RAI2: variants seen among roughly 807,000 people sequenced by gnomAD.
RAI2 encodes retinoic acid-induced protein 2.
Under a neutral mutation model 15.3 loss-of-function variants are expected in RAI2, and 5 were observed. The ratio of observed to expected loss-of-function variants is 0.33; its 90% CI spans 0.17 to 0.69. The LOEUF is 0.69. Ranked by LOEUF, RAI2 falls within the 30% of genes least tolerant of loss-of-function variation. RAI2 has a pLI of 0.69. For synonymous variants in RAI2, 191 were observed against 184.0 expected (o/e 1.04, Z -0.31); for missense variants, 424 against 424.7 (o/e 1.00, Z 0.01).
intron 1 of RAI2, among the ~76,000 whole-genome samples, chrX:17,846,069 G>T (rs746365117): frequency 9.0e-6 from 1 of 111,543 alleles, no homozygotes; most frequent in East Asian, 2.8e-4. Flanking sequence ...TGCTTCAGTT[G>T]GAACCAGAGA....
chrX:17,851,020 C>A (rs73447868), intron 1 of RAI2, among the ~76,000 whole-genome samples: 2,010 of 112,693 alleles, frequency 0.018, 39 homozygotes, highest in African/African-American at 0.06. Context: ...TCTGTGGGGA[C>A]CACTGGCTTA....
At chrX:17,803,918 G>GCCATGCCT (rs1199872621) in intron 1 of RAI2, among the ~76,000 whole-genome samples, 1 of 110,457 alleles carries the variant, frequency 9.1e-6, no homozygotes, top group Non-Finnish European at 1.9e-5. Flanking sequence ...CCCAGAAGAT[G>GCCATGCCT]CCATGCCTCC....
At chrX:17,815,182 C>T (rs1263183325) in intron 1 of RAI2, among the ~76,000 whole-genome samples, 1 of 111,425 alleles carries the variant, frequency 9.0e-6, no homozygotes, top group African/African-American at 3.3e-5. Flanking sequence ...ATAAACAATA[C>T]GAAGTTGGGG....
intron 1 of RAI2, among the ~76,000 whole-genome samples, chrX:17,853,402 A>T (rs1478184775): frequency 1.8e-5 from 2 of 112,096 alleles, no homozygotes; most frequent in Admixed American, 9.4e-5. Context: ...AAAAAAACAC[A>T]AAGTACTTAT....
At chrX:17,814,948 A>T (rs2067089223) in intron 1 of RAI2, among the ~76,000 whole-genome samples, 1 of 109,672 alleles carries the variant, frequency 9.1e-6, no homozygotes. Context: ...TAATAATAAT[A>T]ATAATAATAA....
chrX:17,806,124 T>C (rs1174576379), intron 1 of RAI2, among the ~76,000 whole-genome samples: 1 of 110,898 alleles, frequency 9.0e-6, no homozygotes, highest in Non-Finnish European at 1.9e-5. Context: ...ATCTCATGAA[T>C]TGTGGGTTCA....
At chrX:17,823,747 C>T (rs2067196081) in intron 1 of RAI2, among the ~76,000 whole-genome samples, 2 of 112,033 alleles carry the variant, frequency 1.8e-5, no homozygotes, top group Admixed American at 1.9e-4. Flanking sequence ...ATTCCCAGGC[C>T]ACACCCAAGG....
intron 1 of RAI2, among the ~76,000 whole-genome samples, chrX:17,843,385 C>A (rs931973253): frequency 3.6e-5 from 4 of 112,123 alleles, no homozygotes; most frequent in African/African-American, 1.3e-4. Flanking sequence ...CTCATGGCAG[C>A]TTTGACAGTG....
chrX:17,842,197 G>C (rs2067405810), intron 1 of RAI2, among the ~76,000 whole-genome samples: 1 of 111,230 alleles, frequency 9.0e-6, no homozygotes. Context: ...TGACTCTAAA[G>C]GGCGATCCCT....
Position 17,801,305 on chromosome X carries a change from C to T in RAI2, c.706G>A (p.Val236Ile), listed in dbSNP as rs1466581696. 1.2e-5 allele frequency: 14 copies of T among 1,175,827 alleles called. No individual in the cohort carries two copies. The South Asian group carries it at 2.5e-4, about 21-fold the overall frequency. Residue 236 changes from valine (V) to isoleucine (I), a missense_variant, in exon 2 of 2, where the codon GTA (valine) becomes ATA (isoleucine). Val to Ile is a conservative substitution (Grantham distance 29, BLOSUM62 3). Coordinates refer to ENST00000451717, the MANE Select transcript of RAI2 (RefSeq NM_021785.6). Reference protein sequence around the residue: ...PPATLLVPYPVIVPLPVPVPI... With the variant: ...PPATLLVPYPIIVPLPVPVPI... ...ACTGGCACAGGCAAGGGGACGATTA[C>T]AGGATACGGCACCAAGAGGGTGGCT...
chrX:17,851,465 A>T (rs1409029012), intron 1 of RAI2, among the ~76,000 whole-genome samples: 1 of 112,135 alleles, frequency 8.9e-6, no homozygotes. Flanking sequence ...TAGGAAATGT[A>T]ACTCTGTATG....
At chrX:17,834,417 C>T (rs1317200726) in intron 1 of RAI2, among the ~76,000 whole-genome samples, 2 of 109,950 alleles carry the variant, frequency 1.8e-5, no homozygotes, top group Non-Finnish European at 3.8e-5. Flanking sequence ...ATTATGATCA[C>T]CATAGTCTGG....
chrX:17,816,701 G>C (rs779524716), intron 1 of RAI2, among the ~76,000 whole-genome samples: 40 of 112,054 alleles, frequency 3.6e-4, no homozygotes, highest in African/African-American at 1.3e-3. Flanking sequence ...TTGCATCCCA[G>C]GCAGGGGTTC....
chrX:17,824,684 T>C (rs766831942), intron 1 of RAI2, among the ~76,000 whole-genome samples: 50 of 112,297 alleles, frequency 4.5e-4, no homozygotes, highest in African/African-American at 1.5e-3. Context: ...CCAGCTGGTA[T>C]GAACAAAGGT....
chrX:17,827,612 C>T (rs147059170), intron 1 of RAI2, among the ~76,000 whole-genome samples: 1,361 of 111,823 alleles, frequency 0.012, 22 homozygotes, highest in African/African-American at 0.041. Flanking sequence ...AGAGCTGGAA[C>T]GTGAACTTAT....
intron 1 of RAI2, among the ~76,000 whole-genome samples, chrX:17,824,473 A>G (rs1334995223): frequency 3.6e-5 from 4 of 112,086 alleles, no homozygotes; most frequent in Non-Finnish European, 7.5e-5. Flanking sequence ...CAGACTCCAG[A>G]ATTCAGTGGC....
chrX:17,841,097 T>G (rs775928197), intron 1 of RAI2, among the ~76,000 whole-genome samples: 2 of 111,490 alleles, frequency 1.8e-5, no homozygotes, highest in African/African-American at 6.5e-5. Flanking sequence ...TTTTATTATT[T>G]TTTTGCTGAA....
At chrX:17,842,090 C>T (rs2067404656) in intron 1 of RAI2, among the ~76,000 whole-genome samples, 2 of 112,158 alleles carry the variant, frequency 1.8e-5, no homozygotes, top group African/African-American at 6.5e-5. Flanking sequence ...GCAGGTATCA[C>T]TGCCACCCAC....
Position 17,801,938 on chromosome X carries a change from G to A in RAI2, c.73C>T (p.Leu25=). 3.3e-6 allele frequency: 4 copies of A among 1,211,693 alleles called. No individual in the cohort carries two copies. Among genetic ancestry groups the A allele is most frequent in the Non-Finnish European group, 4.5e-6 (4 of 895,453 alleles). The stretch of plus-strand genomic sequence containing the variant: ...ATCAGCTGAGCCATGCCATTCTCCA[G>A]TCTGTTATTAGCCAAGGCAGGAGGG... ...DSPPALANNR[L]ENGMAQLITT... is the part of the protein sequence containing the mutation. Residue 25 remains leucine, a synonymous_variant, in exon 2 of 2, where the codon CTG becomes TTG. Transcript: ENST00000451717.
Sources: gnomAD v4.1 joint callset for allele counts (sites outside exome capture counted in the v4.1 genomes callset) on GRCh38, gnomAD v4.1.1 for gene constraint, MANE v1.5 for transcripts, NCBI Gene and HGNC (gene_info 2026-07-23, HGNC 2026-07-21) for gene names.